Variants in CLASP2 observed in about 807,000 individuals in gnomAD.
CLASP2 encodes CLIP-associating protein 2.
In CLASP2, 47 loss-of-function variants were observed where a neutral mutation model predicts 194.4. That is an observed-to-expected ratio of 0.24 (90% confidence interval 0.19 to 0.31). The LOEUF (loss-of-function observed/expected upper bound fraction) is 0.31, where lower values mean the gene tolerates loss of function less well. Ranked by LOEUF, CLASP2 falls within the 10% of genes least tolerant of loss-of-function variation. CLASP2 has a pLI of 1.00. For synonymous variants in CLASP2, 619 were observed against 633.5 expected, an observed-to-expected ratio of 0.98 and a Z score of 0.34; for missense variants, 1,445 against 1,823.6, an observed-to-expected ratio of 0.79 and a Z score of 3.78.
At chr3:33,625,925 G>T (rs2077971076) in intron 10 of CLASP2, among the ~76,000 whole-genome samples, 2 of 151,740 alleles carry the variant, frequency 1.3e-5, no homozygotes, top group African/African-American at 4.8e-5. Context: ...ACCATCTGTT[G>T]TTTCCAAATG....
chr3:33,506,531 C>T (rs2048273599), intron 37 of CLASP2, among the ~76,000 whole-genome samples: 1 of 151,574 alleles, frequency 6.6e-6, no homozygotes, highest in Non-Finnish European at 1.5e-5. Context: ...TGGTTAGATC[C>T]TAGAGTTCCA....
chr3:33,628,312 C>T lies in CLASP2; in HGVS notation c.943-1232G>A, dbSNP rs114439308. Among the ~76,000 whole-genome samples the T allele has an allele frequency of 7.4e-3, 1,127 of 152,198 alleles. 15 individuals are homozygous for T. The highest frequency in any genetic ancestry group is 0.025 in the African/African-American group (1,029 of 41,536). Reference sequence around the variant, plus strand: ...TGCCTCTCACCTTCTCTTCACAATACCCCTCTGCCGTTTTCCAGAACCTTC... The same window carrying T: ...TGCCTCTCACCTTCTCTTCACAATATCCCTCTGCCGTTTTCCAGAACCTTC... On this transcript the variant is annotated intron_variant, in intron 9 of 38. Coordinates refer to ENST00000682230, the MANE Select transcript of CLASP2 (RefSeq NM_001365631.1).
chr3:33,585,748 G>A (rs537874607), intron 21 of CLASP2, among the ~76,000 whole-genome samples: 3 of 151,656 alleles, frequency 2.0e-5, no homozygotes, highest in Non-Finnish European at 2.9e-5. Flanking sequence ...ATAATTTTAC[G>A]GGACTACTGT....
At position 33,688,284 on chromosome 3, in the gene CLASP2, A is replaced by C; in HGVS notation, c.463T>G (p.Leu155Val). 4 of 1,565,416 alleles carry C rather than the reference A, an allele frequency of 2.6e-6. No homozygotes were observed. The highest frequency in any genetic ancestry group is 3.5e-6 in the Non-Finnish European group (4 of 1,157,386). Residue 155 changes from leucine (L) to valine (V), a missense_variant, in exon 4 of 39, where the codon TTA (leucine) becomes GTA (valine). This residue lies in a region of CLASP2 where 332 missense variants were observed against 325.3 expected (regional missense o/e 1.02). Transcript: ENST00000682230. ...EGVCLCLIET[L>V]NIFGAQPLVI... ...AGTAATCATAAAACTTACATGTTTA[A>C]GGTTTCAATAAGACACAGACACACG...
Position 33,516,200 on chromosome 3 carries a change from C to T in CLASP2, c.3982-49G>A. On this transcript the variant is annotated intron_variant, in intron 35 of 38. Transcript: ENST00000682230. ...TTTAATATTTTGGGTTGTAGATAAT[C>T]TTTAACATTTTCAATTTTTGTAACT... 4 of 1,519,144 alleles carry T rather than the reference C, an allele frequency of 2.6e-6. No homozygotes were observed. The South Asian group carries it at 5.2e-5, about 20-fold the overall frequency. The allele number at this position is 1,519,144 out of a possible 1,614,324, so 94.1% of individuals were successfully genotyped here.
chr3:33,602,688 T>C (rs1577053763), intron 18 of CLASP2: 1 of 695,590 alleles, frequency 1.4e-6, no homozygotes, highest in South Asian at 1.5e-5. Flanking sequence ...CTAGATGTGG[T>C]AGAAGTGCAG....
intron 6 of CLASP2, among the ~76,000 whole-genome samples, chr3:33,677,900 G>C (rs2089089875): frequency 8.6e-6 from 1 of 115,660 alleles, no homozygotes; most frequent in African/African-American, 3.2e-5. Context: ...AGATAGGTAA[G>C]AAGAGAGAAA....
At chr3:33,528,803 AAAGG>A (rs2055333465) in intron 34 of CLASP2, among the ~76,000 whole-genome samples, 1 of 148,282 alleles carries the variant, frequency 6.7e-6, no homozygotes, top group African/African-American at 2.5e-5. Flanking sequence ...GGAAAGAAAG[AAAGG>A]AAGAAAGAAA....
At chr3:33,674,188 T>G (rs559737824) in intron 6 of CLASP2, among the ~76,000 whole-genome samples, 55 of 152,308 alleles carry the variant, frequency 3.6e-4, no homozygotes, top group Non-Finnish European at 5.4e-4. Context: ...ACCACATAGT[T>G]GGAAGTAAAG....
chr3:33,707,133 C>T (rs1463574293), intron 1 of CLASP2, among the ~76,000 whole-genome samples: 2 of 152,158 alleles, frequency 1.3e-5, no homozygotes, highest in Non-Finnish European at 2.9e-5. Context: ...GGAGAGGTGG[C>T]TCATTCCCCA....
intron 29 of CLASP2, among the ~76,000 whole-genome samples, chr3:33,552,441 G>C (rs1033726725): frequency 6.6e-6 from 1 of 152,114 alleles, no homozygotes; most frequent in African/African-American, 2.4e-5. Context: ...TTCTTGATGT[G>C]TAGGTGCATG....
At chr3:33,540,388 C>T (rs574841630) in intron 32 of CLASP2, among the ~76,000 whole-genome samples, 1 of 152,070 alleles carries the variant, frequency 6.6e-6, no homozygotes, top group Admixed American at 6.6e-5. Flanking sequence ...AAACACACAC[C>T]ACCATGCTAG....
intron 20 of CLASP2, among the ~76,000 whole-genome samples, chr3:33,593,109 C>A (rs1440928211): frequency 2.0e-5 from 3 of 152,132 alleles, no homozygotes; most frequent in Non-Finnish European, 1.5e-5. Flanking sequence ...CAATATATTT[C>A]TTTTCATACC....
chr3:33,629,990 A>C, intron 9 of CLASP2, among the ~76,000 whole-genome samples: 1 of 152,150 alleles, frequency 6.6e-6, no homozygotes, highest in Admixed American at 6.6e-5. Context: ...GTGCAGAAGT[A>C]GTTGTTAGAG....
intron 7 of CLASP2, among the ~76,000 whole-genome samples, chr3:33,661,736 A>G (rs978405163): frequency 3.3e-5 from 5 of 152,208 alleles, no homozygotes; most frequent in African/African-American, 1.2e-4. Flanking sequence ...CCCAAAGGAG[A>G]GATGAATGAT....
At chr3:33,630,742 TA>T (rs949374461) in intron 9 of CLASP2, among the ~76,000 whole-genome samples, 2 of 152,122 alleles carry the variant, frequency 1.3e-5, no homozygotes, top group African/African-American at 4.8e-5. Context: ...AAGCAATGAG[TA>T]ATTATAAAAT....
intron 9 of CLASP2, 98 bp downstream of exon 9, chr3:33,632,194 T>C: frequency 1.5e-6 from 1 of 684,312 alleles, no homozygotes; most frequent in Non-Finnish European, 2.3e-6. Context: ...TATATAGCTA[T>C]ATAAGGAAAA....
At chr3:33,527,251 C>G (rs537467341) in intron 34 of CLASP2, among the ~76,000 whole-genome samples, 1 of 152,104 alleles carries the variant, frequency 6.6e-6, no homozygotes, top group Admixed American at 6.5e-5. Flanking sequence ...GAGAGAAGAT[C>G]CAAATAAACA....
At chr3:33,606,779 C>T (rs765108294) in intron 15 of CLASP2, 21 bp from the exon 16 acceptor site, 1 of 1,562,706 alleles carries the variant, frequency 6.4e-7, no homozygotes, top group South Asian at 1.2e-5. Context: ...AAAAGAAAAG[C>T]AGATGAAGTA....
Sources: allele counts gnomAD v4.1 joint callset (sites outside exome capture counted in the v4.1 genomes callset), GRCh38; gene constraint gnomAD v4.1.1; regional missense constraint gnomAD v4.1.1; transcripts MANE v1.5; gene names NCBI Gene and HGNC (gene_info 2026-07-23, HGNC 2026-07-21).